The following RAPH1 variants were observed in gnomAD, a reference collection of about 807,000 sequenced individuals.
RAPH1 encodes the protein Ras association (RalGDS/AF-6) and pleckstrin homology domains 1.
In RAPH1, 18 loss-of-function variants were observed where a neutral mutation model predicts 88.1. That is an observed-to-expected ratio of 0.20 (90% CI 0.14 to 0.30). The LOEUF (loss-of-function observed/expected upper bound fraction) is 0.30, where lower values mean the gene tolerates loss of function less well. Ranked by LOEUF, RAPH1 falls within the 10% of genes least tolerant of loss-of-function variation. RAPH1 has a pLI of 1.00. For missense variants in RAPH1, 1,448 were observed against 1,543.2 expected (o/e 0.94, Z 1.03); for synonymous variants, 587 against 559.0 (o/e 1.05, Z -0.71).
At chr2:203,457,410 T>A in intron 8 of RAPH1, 120 bp downstream of exon 8, 1 of 825,368 alleles carries the variant, frequency 1.2e-6, no homozygotes, top group Non-Finnish European at 2.1e-6. Context: ...GGTCTTGAAC[T>A]CCTGATCTTG....
chr2:203,522,576 T>C (rs1490705354), intron 1 of RAPH1, among the ~76,000 whole-genome samples: 1 of 152,020 alleles, frequency 6.6e-6, no homozygotes. Flanking sequence ...AAAATTTATA[T>C]GGAAAAGCAA....
At chr2:203,475,208 C>A (rs1192468965) in intron 4 of RAPH1, among the ~76,000 whole-genome samples, 3 of 152,140 alleles carry the variant, frequency 2.0e-5, no homozygotes, top group African/African-American at 7.2e-5. Flanking sequence ...GAGATCAATA[C>A]CATCCTGGCT....
rs1314453028 is a variant in RAPH1, at chr2:203,440,110, G to C, written c.3080C>G (p.Pro1027Arg). The change falls in exon 14 of 14, where the codon CCT becomes CGT. Residue 1027 changes from proline (P) to arginine (R), a missense_variant. By Grantham distance (103) the Pro-to-Arg change is moderately radical. Transcript: ENST00000319170. Reference sequence around the variant, plus strand: ...GACTCCAGAAAGATTGAGTTTTCCAGGCTTGGGGGGTGCTGCAGGAGGTGG... The same window carrying C: ...GACTCCAGAAAGATTGAGTTTTCCACGCTTGGGGGGTGCTGCAGGAGGTGG... ...TLPPPAAPPK[P>R]GKLNLSGVNL... The C allele has an allele frequency of 3.7e-6, 6 of 1,613,458 alleles. No homozygotes were observed. The highest frequency in any genetic ancestry group is 5.1e-6 in the Non-Finnish European group (6 of 1,180,008).
At chr2:203,508,221 C>CAAAAA (rs768340713) in intron 1 of RAPH1, among the ~76,000 whole-genome samples, 83 of 58,582 alleles carry the variant, frequency 1.4e-3, no homozygotes, top group African/African-American at 4.2e-3. Flanking sequence ...GACTCTGTCT[C>CAAAAA]AAAAAAAAAA....
At position 203,454,556 on chromosome 2, in the gene RAPH1, C is replaced by CA. The variant is rs1189129052; in HGVS notation, c.1303-17dup. 1 of 1,565,012 alleles carries CA rather than the reference C, an allele frequency of 6.4e-7. No individual in the cohort carries two copies. The highest frequency in any genetic ancestry group is 1.7e-5 in the Admixed American group (1 of 58,420). On this transcript the variant is annotated splice_polypyrimidine_tract_variant and intron_variant, in intron 9 of 13. Transcript: ENST00000319170. ...CCCGAGAGACCTAAGATAAAAACAC[C>CA]AAAAAGATAAAATTAATAATAATGC...
In RAPH1 at chr2:203,434,559, C is replaced by CAAA. The variant is rs2098496801; in HGVS notation, c.*4877_*4878insTTT. ...TTATTTTCTAGAAGGGGTTATTTTA[C>CAAA]AAGTAGCAAAAAAAAAAAAAAAAGT... On this transcript the variant is annotated 3_prime_UTR_variant, in exon 14 of 14. Coordinates refer to ENST00000319170, the MANE Select transcript of RAPH1 (RefSeq NM_213589.3). 8.5e-6 allele frequency: 1 copy of CAAA among 116,964 alleles called. No individual in the cohort carries two copies. The highest frequency in any genetic ancestry group is 8.6e-5 in the Admixed American group (1 of 11,636). 7.2% of individuals were successfully genotyped at this position (116,964 alleles called of 1,614,324 possible). A position where few individuals can be genotyped will look rare whatever the true frequency, so the allele number is the denominator to read the frequency against.
Position 203,454,433 on chromosome 2 carries a change from C to T in RAPH1, c.1410G>A (p.Leu470=), listed in dbSNP as rs139508191. ...CTAAAAAGAAATATGTGTTTACCTT[C>T]AGCACCAGACAATAGTCTGTAGGTG... The part of the protein sequence containing the change: ...YKAPTDYCLV[L]KHPQIQKKSQ... Residue 470 remains leucine, a synonymous_variant, in exon 10 of 14, where the codon CTG becomes CTA. Coordinates refer to ENST00000319170, the MANE Select transcript of RAPH1 (RefSeq NM_213589.3). 6.2e-7 allele frequency: 1 copy of T among 1,600,158 alleles called. No individual in the cohort carries two copies. Among genetic ancestry groups the T allele is most frequent in the Non-Finnish European group, 8.6e-7 (1 of 1,169,032 alleles).
chr2:203,472,004 A>C (rs2098533564), intron 4 of RAPH1, among the ~76,000 whole-genome samples: 1 of 152,186 alleles, frequency 6.6e-6, no homozygotes, highest in Non-Finnish European at 1.5e-5. Context: ...GGTAAGTAGT[A>C]ATTTCTGAAA....
chr2:203,455,048 C>T (rs1394095038), intron 9 of RAPH1, among the ~76,000 whole-genome samples: 2 of 152,026 alleles, frequency 1.3e-5, no homozygotes, highest in East Asian at 3.9e-4. Context: ...CCAATAAGCA[C>T]CGAAGTGATA....
At chr2:203,466,838 TGA>T (rs1559465792) in intron 4 of RAPH1, among the ~76,000 whole-genome samples, 34 of 152,184 alleles carry the variant, frequency 2.2e-4, no homozygotes, top group Admixed American at 2.0e-3. Context: ...GAAGATCCTA[TGA>T]TTAAATGAAA....
At position 203,439,506 on chromosome 2, in the gene RAPH1, C is replaced by T. The variant is rs142773338; in HGVS notation, c.3684G>A (p.Thr1228=). 2.3e-5 allele frequency: 37 copies of T among 1,614,046 alleles called. No homozygotes were observed. The Admixed American group carries it at 3.7e-4, about 16-fold the overall frequency. ...GAGCAGGAGGGGGTCCTCTCCGCAA[C>T]GTTGCATAGCCTGATATATGACTGC... The part of the protein sequence containing the change: ...YGGSHISGYA[T]LRRGPPPAPP... The change falls in exon 14 of 14, where the codon ACG becomes ACA. Residue 1228 remains threonine (T), a synonymous_variant. Transcript: ENST00000319170.
In RAPH1 at chr2:203,461,916, C is replaced by T. The variant is rs1389937148; in HGVS notation, c.742G>A (p.Ala248Thr). The change falls in exon 5 of 14, where the codon GCA becomes ACA. Residue 248 changes from alanine (A) to threonine (T), a missense_variant. By Grantham distance (58) the Ala-to-Thr change is moderately conservative. Around this residue, in one of 2 missense-constraint regions of RAPH1, gnomAD observed 513 missense variants for 653.1 expected, o/e 0.79. Transcript: ENST00000319170. ...QGQPITEEEQ[A>T]AKLKAEKIRV... ...ATCTTCTCAGCTTTCAATTTTGCTG[C>T]CTGTTCTTCCTGTGAACACAAAGCA... 6.2e-7 allele frequency: 1 copy of T among 1,606,596 alleles called. No homozygotes were observed. The highest frequency in any genetic ancestry group is 8.5e-7 in the Non-Finnish European group (1 of 1,176,348).
chr2:203,471,858 G>C (rs1305868011), intron 4 of RAPH1, among the ~76,000 whole-genome samples: 3 of 150,068 alleles, frequency 2.0e-5, no homozygotes, highest in Non-Finnish European at 4.4e-5. Flanking sequence ...TTTTTAATTG[G>C]ACATATTCAT....
At position 203,439,297 on chromosome 2, in the gene RAPH1, C is replaced by T; in HGVS notation, c.*140G>A. 2.9e-6 allele frequency: 2 copies of T among 697,926 alleles called. No homozygotes were observed. The highest frequency in any genetic ancestry group is 1.8e-5 in the South Asian group (1 of 55,786). The allele number at this position is 697,926 out of a possible 1,614,324, so 43.2% of individuals were successfully genotyped here. Reference sequence around the variant, plus strand: ...ACAGCTGTGTGTACATGCACGTGTACACACACACATACACATATAGCTGGA... The same window carrying T: ...ACAGCTGTGTGTACATGCACGTGTATACACACACATACACATATAGCTGGA... On this transcript the variant is annotated 3_prime_UTR_variant, in exon 14 of 14. Transcript: ENST00000319170.
rs1258310553 is a variant in RAPH1, at chr2:203,506,895, TA to T, written c.1-11543del. Among the ~76,000 whole-genome samples, 33 of 111,848 alleles carry T rather than the reference TA, an allele frequency of 3.0e-4. 4 individuals are homozygous for T. Among genetic ancestry groups the T allele is most frequent in the African/African-American group, 1.4e-3 (32 of 23,212 alleles). The allele number at this position is 111,848 out of a possible 152,430, so 73.4% of individuals were successfully genotyped here. A position where few individuals can be genotyped will look rare whatever the true frequency, so the allele number is the denominator to read the frequency against. ...ATATATATATAGATATATATATATA[TA>T]TATTTTTTTTTTTTTTGAGATGAAC... On this transcript the variant is annotated intron_variant, in intron 1 of 13. Transcript: ENST00000319170.
At chr2:203,458,590 A>G (rs2098521731) in intron 7 of RAPH1, among the ~76,000 whole-genome samples, 2 of 152,108 alleles carry the variant, frequency 1.3e-5, no homozygotes, top group Admixed American at 1.3e-4. Context: ...ACCTAATACA[A>G]TGCCTACCTA....
At chr2:203,521,091 T>C (rs984976093) in intron 1 of RAPH1, among the ~76,000 whole-genome samples, 13 of 152,198 alleles carry the variant, frequency 8.5e-5, no homozygotes, top group African/African-American at 2.9e-4. Flanking sequence ...TCTTGCTCTG[T>C]TGCCCAGCCT....
intron 1 of RAPH1, among the ~76,000 whole-genome samples, chr2:203,521,417 G>T (rs961107016): frequency 6.0e-4 from 92 of 152,162 alleles, no homozygotes; most frequent in African/African-American, 2.1e-3. Context: ...AAGCACAGAA[G>T]AATATTAAGT....
chr2:203,510,335 CAAAAAAAAA>C (rs33911103), intron 1 of RAPH1, among the ~76,000 whole-genome samples: 1 of 38,096 alleles, frequency 2.6e-5, no homozygotes, highest in South Asian at 1.6e-3. Context: ...AACTCCATCT[CAAAAAAAAA>C]AAAAAAAAAA....
Sources: allele counts gnomAD v4.1 joint callset (sites outside exome capture counted in the v4.1 genomes callset), GRCh38; gene constraint gnomAD v4.1.1; regional missense constraint gnomAD v4.1.1; transcripts MANE v1.5; gene names NCBI Gene and HGNC (gene_info 2026-07-23, HGNC 2026-07-21).